The following TAB2 variants were observed in gnomAD, a reference collection of about 807,000 sequenced individuals.
TAB2 encodes TGF-beta activated kinase 1 (MAP3K7) binding protein 2, also known as TGF-beta-activated kinase 1 and MAP3K7-binding protein 2.
A neutral mutation model predicts 65.0 loss-of-function variants in TAB2; 3 were observed. The observed-to-expected ratio is 0.05, with a 90% confidence interval of 0.02 to 0.12. The LOEUF is 0.12. TAB2 is among the 10% of genes least tolerant of loss of function. TAB2 has a pLI of 1.00. For missense variants in TAB2, 623 were observed against 840.3 expected (o/e 0.74, Z 3.20); for synonymous variants, 298 against 285.1 (o/e 1.05, Z -0.46).
At chr6:149,386,762 C>T (rs1781821462) in intron 3 of TAB2, among the ~76,000 whole-genome samples, 1 of 152,132 alleles carries the variant, frequency 6.6e-6, no homozygotes, top group Non-Finnish European at 1.5e-5. Flanking sequence ...TTTCATTTCT[C>T]CCCATTTTCA....
Position 149,379,240 on chromosome 6 carries a change from C to T in TAB2, c.1325C>T (p.Ala442Val). ...FIHHHPPKSRAIGNNSATSPR... is the reference protein window; with the variant it reads ...FIHHHPPKSRVIGNNSATSPR... ...CATCACCATCCTCCCAAAAGTCGAG[C>T]AATAGGCAATAACTCTGCAACCTCT... The change falls in exon 3 of 7, where the codon GCA becomes GTA. Residue 442 changes from alanine (A) to valine (V), a missense_variant. Around this residue, in one of 3 missense-constraint regions of TAB2, gnomAD observed 550 missense variants for 665.7 expected, o/e 0.83. Coordinates refer to ENST00000637181, the MANE Select transcript of TAB2 (RefSeq NM_001292034.3). 1 of 1,614,194 alleles carries T rather than the reference C, an allele frequency of 6.2e-7. No homozygotes were observed. The highest frequency in any genetic ancestry group is 8.5e-7 in the Non-Finnish European group (1 of 1,180,046).
intron 1 of TAB2, among the ~76,000 whole-genome samples, chr6:149,345,182 A>T (rs1780253239): frequency 6.8e-6 from 1 of 147,886 alleles, no homozygotes; most frequent in African/African-American, 2.5e-5. Flanking sequence ...GCCTTTAGGT[A>T]AAAAAAAAAG....
At chr6:149,339,284 A>G (rs1780027702) in intron 1 of TAB2, among the ~76,000 whole-genome samples, 2 of 152,158 alleles carry the variant, frequency 1.3e-5, no homozygotes, top group African/African-American at 4.8e-5. Flanking sequence ...AATCGCTTGA[A>G]GTGGGGTTGC....
chr6:149,245,750 C>G (rs1562386078), intron 1 of TAB2, among the ~76,000 whole-genome samples: 1 of 152,140 alleles, frequency 6.6e-6, no homozygotes, highest in Admixed American at 6.6e-5. Flanking sequence ...TGGACAACCC[C>G]CTAGCATCAT....
At chr6:149,331,098 A>G (rs1779769824) in intron 1 of TAB2, among the ~76,000 whole-genome samples, 1 of 152,126 alleles carries the variant, frequency 6.6e-6, no homozygotes, top group African/African-American at 2.4e-5. Context: ...TGCTTTAGCT[A>G]TTCTAGTTCC....
chr6:149,241,795 G>A (rs1426274590), intron 1 of TAB2, among the ~76,000 whole-genome samples: 4 of 152,154 alleles, frequency 2.6e-5, no homozygotes, highest in Admixed American at 6.5e-5. Context: ...CCTAGCCACC[G>A]AATCAGACTT....
intron 1 of TAB2, among the ~76,000 whole-genome samples, chr6:149,303,798 C>T (rs966956869): frequency 7.9e-5 from 12 of 152,222 alleles, no homozygotes; most frequent in African/African-American, 2.4e-4. Context: ...CTACTATGGA[C>T]GAGGTCCTGT....
chr6:149,403,291 CACACATATATATATATATATAT>C (rs775413480), intron 6 of TAB2, among the ~76,000 whole-genome samples: 22,216 of 83,422 alleles, frequency 0.27, 2,794 homozygotes, highest in African/African-American at 0.34. Flanking sequence ...TATACACACA[CACACATATATATATATATATAT>C]ACACACACAT....
In TAB2 at chr6:149,378,421, A is replaced by G. The variant is rs766969196; in HGVS notation, c.506A>G (p.Gln169Arg). 1 of 1,614,168 alleles carries G rather than the reference A, an allele frequency of 6.2e-7. No homozygotes were observed. Among genetic ancestry groups the G allele is most frequent in the Non-Finnish European group, 8.5e-7 (1 of 1,180,012 alleles). ...LGSKGTSSLS[Q>R]QTPRFNPIMV... is the part of the protein sequence containing the mutation. The stretch of plus-strand genomic sequence containing the variant: ...AGCAAAGGAACATCTAGCCTTTCTC[A>G]ACAAACTCCCAGATTTAATCCCATT... Residue 169 changes from glutamine (Q) to arginine (R), a missense_variant, in exon 3 of 7, where the codon CAA becomes CGA. By Grantham distance (43) the Gln-to-Arg change is conservative. Around this residue, in one of 3 missense-constraint regions of TAB2, gnomAD observed 550 missense variants for 665.7 expected, o/e 0.83. Coordinates refer to ENST00000637181, the MANE Select transcript of TAB2 (RefSeq NM_001292034.3).
chr6:149,275,234 G>A (rs797020016), intron 1 of TAB2, among the ~76,000 whole-genome samples: 15 of 65,372 alleles, frequency 2.3e-4, no homozygotes, highest in African/African-American at 7.0e-4. Context: ...GGGAGAGAGA[G>A]AGAAAGAAAG....
chr6:149,354,607 C>T (rs1213903675), intron 1 of TAB2, among the ~76,000 whole-genome samples: 2 of 152,146 alleles, frequency 1.3e-5, no homozygotes, highest in South Asian at 2.1e-4. Flanking sequence ...CCCTTAATTG[C>T]GTTCCCTAGA....
intron 3 of TAB2, among the ~76,000 whole-genome samples, chr6:149,383,829 T>C (rs1394523859): frequency 6.6e-6 from 1 of 152,170 alleles, no homozygotes; most frequent in Non-Finnish European, 1.5e-5. Context: ...GCAATCCGCC[T>C]GCCTCAGACT....
At chr6:149,369,322 A>G (rs2114855262) in intron 1 of TAB2, among the ~76,000 whole-genome samples, 1 of 152,292 alleles carries the variant, frequency 6.6e-6, no homozygotes, top group East Asian at 1.9e-4. Context: ...CAGCCAATTA[A>G]ATCAAACCCC....
At position 149,409,845 on chromosome 6, in the gene TAB2, G is replaced by A; in HGVS notation, c.*126G>A. ...TGAAGGTGTGACAAGATGGTGTTCT[G>A]CTAATGTTAAATGTCAGCCCACAGA... On this transcript the variant is annotated 3_prime_UTR_variant, in exon 7 of 7. Coordinates refer to ENST00000637181, the MANE Select transcript of TAB2 (RefSeq NM_001292034.3). 9.1e-7 allele frequency: 1 copy of A among 1,096,016 alleles called. No homozygotes were observed. The highest frequency in any genetic ancestry group is 1.4e-6 in the Non-Finnish European group (1 of 726,566). 67.9% of individuals were successfully genotyped at this position (1,096,016 alleles called of 1,614,324 possible).
chr6:149,222,383 C>G (rs554867385), intron 1 of TAB2, among the ~76,000 whole-genome samples: 3 of 152,154 alleles, frequency 2.0e-5, no homozygotes, highest in African/African-American at 7.2e-5. Flanking sequence ...TTTGGGAGGC[C>G]AAGGCAGCCA....
intron 1 of TAB2, among the ~76,000 whole-genome samples, chr6:149,353,954 TG>T (rs1780572436): frequency 6.6e-6 from 1 of 152,222 alleles, no homozygotes; most frequent in Admixed American, 6.5e-5. Context: ...ACTAAAACTT[TG>T]GAGTCCAAGT....
chr6:149,385,537 A>G lies in TAB2; in HGVS notation c.1603+6019A>G, dbSNP rs576878290. Among the ~76,000 whole-genome samples the G allele has an allele frequency of 5.9e-5, 9 of 152,338 alleles. No individual in the cohort carries two copies. In the South Asian group the frequency reaches 1.7e-3, roughly 28 times the overall value. ...AACTCAGCAATTAAGATTAGTTGAC[A>G]TTGGACCACTTACAGAATATTTTTT... On this transcript the variant is annotated intron_variant, in intron 3 of 6. Transcript: ENST00000637181.
At chr6:149,349,169 CCAGT>C (rs1780404289) in intron 1 of TAB2, among the ~76,000 whole-genome samples, 1 of 151,850 alleles carries the variant, frequency 6.6e-6, no homozygotes, top group Non-Finnish European at 1.5e-5. Context: ...GCCTGTAACC[CCAGT>C]GCTTTGGGAG....
chr6:149,246,763 C>G (rs527465147), intron 1 of TAB2: 3 of 152,356 alleles, frequency 2.0e-5, no homozygotes, highest in Admixed American at 6.5e-5. Context: ...GACTCCTGAG[C>G]TCAAGCCCTC....
Sources: allele counts gnomAD v4.1 joint callset (sites outside exome capture counted in the v4.1 genomes callset), GRCh38; gene constraint gnomAD v4.1.1; regional missense constraint gnomAD v4.1.1; transcripts MANE v1.5; gene names NCBI Gene and HGNC (gene_info 2026-07-23, HGNC 2026-07-21).